The following EMILIN2 variants were observed in gnomAD, a reference collection of about 807,000 sequenced individuals.
EMILIN2 encodes EMILIN-2.
A neutral mutation model predicts 87.1 loss-of-function variants in EMILIN2; 71 were observed. The observed-to-expected ratio is 0.82, with a 90% CI of 0.67 to 0.99. The LOEUF is 0.99. Ranked by LOEUF, EMILIN2 falls within the 50% of genes least tolerant of loss-of-function variation. The pLI, the probability that EMILIN2 is intolerant of heterozygous loss-of-function variation, is 0.00. For synonymous variants in EMILIN2, 581 were observed against 563.4 expected (o/e 1.03, Z -0.44); for missense variants, 1,407 against 1,371.8 (o/e 1.03, Z -0.40).
At chr18:2,907,441 TGGCTAGGCAGGAG>T (rs1196213652) in intron 5 of EMILIN2, among the ~76,000 whole-genome samples, 2 of 152,178 alleles carry the variant, frequency 1.3e-5, no homozygotes, top group Non-Finnish European at 2.9e-5. Context: ...CACAGCAGCG[TGGCTAGGCAGGAG>T]GGCTGTCTAC....
At chr18:2,861,550 C>T (rs540525379) in intron 2 of EMILIN2, among the ~76,000 whole-genome samples, 13 of 152,176 alleles carry the variant, frequency 8.5e-5, no homozygotes, top group African/African-American at 3.1e-4. Context: ...TGTAGATATG[C>T]AGCATTATTT....
chr18:2,909,441 A>G (rs1204645240), intron 6 of EMILIN2, among the ~76,000 whole-genome samples: 1 of 152,194 alleles, frequency 6.6e-6, no homozygotes, highest in Admixed American at 6.5e-5. Context: ...ATATGCTTAC[A>G]TGCCCAGCCT....
In EMILIN2 at chr18:2,891,125, T is replaced by A; in HGVS notation, c.998T>A (p.Met333Lys). ...CTGAGAGAGGAGCTCATGGAGGGCA[T>A]GGACAGAAAGCTGGCTGACCTGAAA... ...DALREELMEGMDRKLADLKNS... is the reference protein window; with the variant it reads ...DALREELMEGKDRKLADLKNS... The change falls in exon 4 of 8, where the codon ATG (methionine) becomes AAG (lysine). Residue 333 changes from methionine to lysine, a missense_variant. Transcript: ENST00000254528. The surrounding 1 kb of genome is among the most constrained non-coding windows in gnomAD (Gnocchi z 4.6). The A allele has an allele frequency of 6.2e-7, 1 of 1,614,098 alleles. No individual in the cohort carries two copies. The highest frequency in any genetic ancestry group is 8.5e-7 in the Non-Finnish European group (1 of 1,180,018).
chr18:2,902,279 A>G (rs530119132), intron 4 of EMILIN2, among the ~76,000 whole-genome samples: 1 of 152,266 alleles, frequency 6.6e-6, no homozygotes, highest in African/African-American at 2.4e-5. Context: ...CAATACTTAA[A>G]TTGTTCAATG....
intron 2 of EMILIN2, among the ~76,000 whole-genome samples, chr18:2,861,808 C>G (rs1490888813): frequency 6.6e-6 from 1 of 152,142 alleles, no homozygotes; most frequent in African/African-American, 2.4e-5. Context: ...CATTGAATCT[C>G]TAAATTACCT....
chr18:2,906,695 G>C, intron 4 of EMILIN2, 88 bp from the exon 5 acceptor site: 1 of 1,072,320 alleles, frequency 9.3e-7, no homozygotes, highest in Non-Finnish European at 1.2e-6. Context: ...GACCCCGCTC[G>C]CCGGGACTCA....
intron 2 of EMILIN2, among the ~76,000 whole-genome samples, chr18:2,881,677 C>A (rs2076777452): frequency 6.6e-6 from 1 of 152,220 alleles, no homozygotes; most frequent in Admixed American, 6.5e-5. Context: ...GGGCCGTCAT[C>A]TCCTGGCCGA....
intron 2 of EMILIN2, among the ~76,000 whole-genome samples, chr18:2,858,569 A>ATATATGTGTG (rs1305555851): frequency 5.4e-5 from 3 of 55,372 alleles, no homozygotes; most frequent in African/African-American, 3.5e-4. Flanking sequence ...ATATATATAT[A>ATATATGTGTG]TGTGTGTGTG....
chr18:2,849,910 C>CTTTTTTG lies in EMILIN2; in HGVS notation c.257+1997_257+2003dup, dbSNP rs151092784. ...AACTGAGGAATGCTTCCTAAGATTT[C>CTTTTTTG]TTTTTTGTTTTTTGTTTTTTGTTTG... On this transcript the variant is annotated intron_variant, in intron 2 of 7. Transcript: ENST00000254528. Among the ~76,000 whole-genome samples, 270 of 151,748 alleles carry CTTTTTTG rather than the reference C, an allele frequency of 1.8e-3. 1 individual carries two copies. The highest frequency in any genetic ancestry group is 6.3e-3 in the African/African-American group (260 of 41,260).
intron 5 of EMILIN2, among the ~76,000 whole-genome samples, chr18:2,908,110 C>G (rs1301686068): frequency 6.6e-6 from 1 of 152,216 alleles, no homozygotes; most frequent in African/African-American, 2.4e-5. Flanking sequence ...GCGGTGATCA[C>G]AGCTCTTAAG....
rs918986504 is a variant in EMILIN2, at chr18:2,848,525, G to A, written c.257+594G>A. On this transcript the variant is annotated intron_variant, in intron 2 of 7. Transcript: ENST00000254528. The surrounding 1 kb of genome is among the most constrained non-coding windows in gnomAD (Gnocchi z 4.1). ...TTTGGAGATTCTCTAGAGATTGTGG[G>A]AGAGAATGGCCGTTAAAGACAGGGG... Among the ~76,000 whole-genome samples the A allele has an allele frequency of 9.2e-5, 14 of 151,718 alleles. No homozygotes were observed. Among genetic ancestry groups the A allele is most frequent in the Non-Finnish European group, 1.0e-4 (7 of 67,986 alleles).
rs540908133 is a variant in EMILIN2, at chr18:2,848,873, G to A, written c.257+942G>A. 2.0e-5 allele frequency among the ~76,000 whole-genome samples: 3 copies of A among 152,298 alleles called. No homozygotes were observed. In the South Asian group the frequency reaches 6.2e-4, roughly 32 times the overall value. ...CTTTGGCAAAACCAAGGGACAGACT[G>A]GAACTTGTACTCCAGGAAACCTTAT... On this transcript the variant is annotated intron_variant, in intron 2 of 7. Transcript: ENST00000254528. This position sits in a 1 kb window ranked among gnomAD's most constrained non-coding sequence, Gnocchi z 4.1.
chr18:2,889,205 T>C (rs1038313683), intron 3 of EMILIN2, among the ~76,000 whole-genome samples: 1 of 147,060 alleles, frequency 6.8e-6, no homozygotes, highest in Non-Finnish European at 1.5e-5. Context: ...CGGCACTATG[T>C]CGGCTCACTG....
intron 2 of EMILIN2, among the ~76,000 whole-genome samples, chr18:2,875,895 A>G (rs518378): frequency 0.99 from 150,973 of 152,136 alleles, 74,921 homozygotes; most frequent in Middle Eastern, 1. Context: ...TTGGGATATG[A>G]GGGGTGATAA....
intron 2 of EMILIN2, among the ~76,000 whole-genome samples, chr18:2,875,979 A>ATT (rs67505946): frequency 2.4e-5 from 3 of 126,818 alleles, no homozygotes; most frequent in East Asian, 2.5e-4. Context: ...AGGATTTTAG[A>ATT]TTTTTTTTTT....
At position 2,891,426 on chromosome 18, in the gene EMILIN2, G is replaced by GT; in HGVS notation, c.1302dup (p.Asp435Ter). 6.2e-7 allele frequency: 1 copy of GT among 1,614,232 alleles called. No homozygotes were observed. Among genetic ancestry groups the GT allele is most frequent in the Non-Finnish European group, 8.5e-7 (1 of 1,180,042 alleles). ...TGCTGAATGGAAGACTGGACAATGAGTTTGACCGCCTTATAGTTCCAGAGC... is the reference window on the plus strand; with the variant it reads ...TGCTGAATGGAAGACTGGACAATGAGTTTTGACCGCCTTATAGTTCCAGAGC... On this transcript the variant is annotated frameshift_variant, in exon 4 of 8. Transcript: ENST00000254528. LOFTEE classifies it high-confidence loss of function. This position sits in a 1 kb window ranked among gnomAD's most constrained non-coding sequence, Gnocchi z 4.6.
chr18:2,864,291 A>C (rs1204907313), intron 2 of EMILIN2, among the ~76,000 whole-genome samples: 1 of 152,172 alleles, frequency 6.6e-6, no homozygotes, highest in Non-Finnish European at 1.5e-5. Flanking sequence ...TTTGCTCATT[A>C]GTTGATGCAG....
intron 4 of EMILIN2, among the ~76,000 whole-genome samples, chr18:2,899,530 A>G (rs1253160060): frequency 6.6e-6 from 1 of 151,906 alleles, no homozygotes; most frequent in Admixed American, 6.6e-5. Flanking sequence ...TTTTCAGCGG[A>G]GTCTTGCTCT....
intron 2 of EMILIN2, among the ~76,000 whole-genome samples, chr18:2,852,630 T>C (rs941239773): frequency 6.6e-6 from 1 of 152,198 alleles, no homozygotes; most frequent in Non-Finnish European, 1.5e-5. Flanking sequence ...GCGATTCTCC[T>C]GCCTCAGCCT....
Sources: gnomAD v4.1 joint callset for allele counts (sites outside exome capture counted in the v4.1 genomes callset) on GRCh38, gnomAD v4.1.1 for gene constraint, Gnocchi (gnomAD v3.1) non-coding constraint, MANE v1.5 for transcripts, NCBI Gene and HGNC (gene_info 2026-07-23, HGNC 2026-07-21) for gene names.